Variants in UVRAG observed in about 807,000 individuals in gnomAD.
UVRAG encodes the protein UV radiation resistance-associated gene protein.
A neutral mutation model predicts 78.0 loss-of-function variants in UVRAG; 19 were observed. The observed-to-expected ratio is 0.24, with a 90% CI of 0.17 to 0.36. The LOEUF is 0.36. Ranked by LOEUF, UVRAG falls within the 10% of genes least tolerant of loss-of-function variation. The probability of loss-of-function intolerance (pLI) is 1.00; values close to 1 mark genes in which losing one functional copy is unlikely to be tolerated. For missense variants in UVRAG, 740 were observed against 853.8 expected, an observed-to-expected ratio of 0.87 and a Z score of 1.66; for synonymous variants, 323 against 324.6, an observed-to-expected ratio of 1.00 and a Z score of 0.05.
chr11:76,108,832 A>G (rs576030186), intron 13 of UVRAG, among the ~76,000 whole-genome samples: 54 of 152,266 alleles, frequency 3.5e-4, no homozygotes, highest in Non-Finnish European at 5.9e-4. Context: ...TAATTTTTCC[A>G]GGGAAACCAC....
intron 3 of UVRAG, among the ~76,000 whole-genome samples, chr11:75,873,679 A>G (rs1355057187): frequency 6.6e-6 from 1 of 152,196 alleles, no homozygotes; most frequent in Non-Finnish European, 1.5e-5. Flanking sequence ...TATGTAAGCT[A>G]GAGGAAGCCC....
chr11:75,938,121 A>G (rs534408059), intron 6 of UVRAG, among the ~76,000 whole-genome samples: 1 of 151,444 alleles, frequency 6.6e-6, no homozygotes, highest in South Asian at 2.1e-4. Flanking sequence ...TTCTCATTTC[A>G]GACATCATGA....
At chr11:76,077,044 A>T (rs1951416745) in intron 13 of UVRAG, among the ~76,000 whole-genome samples, 2 of 150,132 alleles carry the variant, frequency 1.3e-5, no homozygotes, top group African/African-American at 4.9e-5. Flanking sequence ...CTATTGAAAG[A>T]ATGAATGATG....
At chr11:76,042,192 C>T (rs1055177943) in intron 12 of UVRAG, among the ~76,000 whole-genome samples, 1 of 152,026 alleles carries the variant, frequency 6.6e-6, no homozygotes, top group Non-Finnish European at 1.5e-5. Flanking sequence ...AAATATTGAA[C>T]ATCCATAAGA....
chr11:75,946,184 A>G (rs1948585302), intron 6 of UVRAG, among the ~76,000 whole-genome samples: 1 of 152,180 alleles, frequency 6.6e-6, no homozygotes, highest in Non-Finnish European at 1.5e-5. Context: ...ACTGTCTGCA[A>G]TGTTTTTTCT....
intron 4 of UVRAG, among the ~76,000 whole-genome samples, chr11:75,885,033 C>A (rs1326790992): frequency 1.3e-5 from 2 of 151,932 alleles, no homozygotes; most frequent in Non-Finnish European, 2.9e-5. Flanking sequence ...TAAAAATTTT[C>A]TTGTAGTTTT....
At chr11:75,887,911 C>A (rs910453194) in intron 4 of UVRAG, among the ~76,000 whole-genome samples, 1 of 152,068 alleles carries the variant, frequency 6.6e-6, no homozygotes, top group Non-Finnish European at 1.5e-5. Flanking sequence ...TTTATTCTTC[C>A]ACCTTTTAAA....
chr11:75,851,826 A>G (rs1253298710), intron 1 of UVRAG, 57 bp from the exon 2 acceptor site: 1 of 1,419,278 alleles, frequency 7.0e-7, no homozygotes, highest in African/African-American at 1.4e-5. Flanking sequence ...CAACTTCCAG[A>G]AAATTTTATA....
chr11:75,977,632 T>C (rs1591085487), intron 7 of UVRAG, among the ~76,000 whole-genome samples: 1 of 152,234 alleles, frequency 6.6e-6, no homozygotes, highest in Non-Finnish European at 1.5e-5. Context: ...GTAATGGCCT[T>C]CTTTGTCTCT....
chr11:75,847,336 A>G (rs1405737651), intron 1 of UVRAG, among the ~76,000 whole-genome samples: 3 of 151,984 alleles, frequency 2.0e-5, no homozygotes, highest in African/African-American at 4.8e-5. Context: ...CATATTGGCC[A>G]GGCTGGTCTT....
chr11:76,088,478 A>G (rs937278195), intron 13 of UVRAG, among the ~76,000 whole-genome samples: 1 of 54,112 alleles, frequency 1.8e-5, no homozygotes, highest in South Asian at 6.9e-4. Flanking sequence ...CCCAACCCCC[A>G]CTTCCGCCCA....
chr11:75,848,122 T>C (rs1050833388), intron 1 of UVRAG, among the ~76,000 whole-genome samples: 1 of 150,424 alleles, frequency 6.6e-6, no homozygotes, highest in African/African-American at 2.4e-5. Flanking sequence ...TGCTTGAGCC[T>C]GGGAGGTTGA....
chr11:76,121,052 C>T (rs1181483243), intron 14 of UVRAG, among the ~76,000 whole-genome samples: 1 of 152,210 alleles, frequency 6.6e-6, no homozygotes, highest in African/African-American at 2.4e-5. Context: ...TCAGTGCATT[C>T]ACTGAATTCC....
intron 14 of UVRAG, chr11:76,137,586 T>C (rs550512620): frequency 2.5e-6 from 1 of 397,004 alleles, no homozygotes; most frequent in African/African-American, 2.1e-5. Flanking sequence ...AAATAACTAA[T>C]TTCCTTACCA....
chr11:76,079,180 A>T (rs1798422506), intron 13 of UVRAG, among the ~76,000 whole-genome samples: 1 of 152,172 alleles, frequency 6.6e-6, no homozygotes, highest in South Asian at 2.1e-4. Context: ...CGACAGCATG[A>T]TCAAAAAGGT....
At chr11:75,897,889 T>TTTTTTTTTTTTTTTG (rs1947380876) in intron 5 of UVRAG, among the ~76,000 whole-genome samples, 1 of 130,926 alleles carries the variant, frequency 7.6e-6, no homozygotes, top group Non-Finnish European at 1.6e-5. Flanking sequence ...TTTTTTTTTT[T>TTTTTTTTTTTTTTTG]GGACAAGTCT....
chr11:75,881,324 A>G (rs1946939388), intron 4 of UVRAG, among the ~76,000 whole-genome samples: 1 of 152,186 alleles, frequency 6.6e-6, no homozygotes, highest in South Asian at 2.1e-4. Context: ...AATACATGTA[A>G]GAAGTACATT....
At chr11:75,933,795 A>G (rs992669333) in intron 6 of UVRAG, among the ~76,000 whole-genome samples, 2 of 152,244 alleles carry the variant, frequency 1.3e-5, no homozygotes, top group African/African-American at 2.4e-5. Flanking sequence ...CAAAACTACA[A>G]TGAGATATTA....
chr11:76,123,796 C>T (rs1952334168), intron 14 of UVRAG, among the ~76,000 whole-genome samples: 2 of 150,336 alleles, frequency 1.3e-5, no homozygotes, highest in Non-Finnish European at 1.5e-5. Context: ...GATGGAGTCT[C>T]GCTCTGTCAC....
Sources: allele counts gnomAD v4.1 joint callset (sites outside exome capture counted in the v4.1 genomes callset), GRCh38; gene constraint gnomAD v4.1.1; transcripts MANE v1.5; gene names NCBI Gene and HGNC (gene_info 2026-07-23, HGNC 2026-07-21).